The following EFNA5 variants were observed in gnomAD, a reference collection of about 807,000 sequenced individuals.
EFNA5 encodes the protein ephrin-A5.
In EFNA5, 5 loss-of-function variants were observed where a neutral mutation model predicts 22.9. The observed-to-expected ratio is 0.22, with a 90% CI of 0.11 to 0.46. The LOEUF (loss-of-function observed/expected upper bound fraction) is 0.46, where lower values mean the gene tolerates loss of function less well. Among genes scored for constraint, EFNA5 ranks in the 20% least tolerant of loss-of-function variants. The pLI is 0.99. For missense variants in EFNA5, 237 were observed against 293.3 expected, an observed-to-expected ratio of 0.81 and a Z score of 1.40; for synonymous variants, 113 against 112.2, an observed-to-expected ratio of 1.01 and a Z score of -0.04.
chr5:107,653,224 T>C (rs73781153), intron 1 of EFNA5, among the ~76,000 whole-genome samples: 1,600 of 152,216 alleles, frequency 0.011, 34 homozygotes, highest in African/African-American at 0.035. Context: ...AGAAATGGGC[T>C]GGACCCACCA....
chr5:107,488,517 A>C (rs1746706669), intron 1 of EFNA5, among the ~76,000 whole-genome samples: 1 of 152,168 alleles, frequency 6.6e-6, no homozygotes, highest in Non-Finnish European at 1.5e-5. Context: ...ACCCTTTTTA[A>C]AACTCCAGCT....
At chr5:107,575,551 T>C (rs1748910761) in intron 1 of EFNA5, among the ~76,000 whole-genome samples, 1 of 152,160 alleles carries the variant, frequency 6.6e-6, no homozygotes, top group African/African-American at 2.4e-5. Context: ...CTCAAGTTGG[T>C]GAAAATGTGG....
chr5:107,537,951 A>G (rs1046593655), intron 1 of EFNA5, among the ~76,000 whole-genome samples: 1 of 152,174 alleles, frequency 6.6e-6, no homozygotes, highest in Admixed American at 6.5e-5. Flanking sequence ...TAAATGATGG[A>G]GGTGAGTCAG....
intron 1 of EFNA5, among the ~76,000 whole-genome samples, chr5:107,621,984 C>A (rs1015234342): frequency 1.3e-5 from 2 of 151,610 alleles, no homozygotes; most frequent in Admixed American, 6.6e-5. Flanking sequence ...ATTTTCAGAA[C>A]TGTAATGTAA....
rs1184582230 is a variant in EFNA5 at position 107,386,191 on chromosome 5, G to A, written c.565+1044C>T. ...AAAAAATTCTCCATTTACATAAGGG[G>A]GCTCAAATCTCTCCATGAAGAGGAA... On this transcript the variant is annotated intron_variant, in intron 4 of 4. Transcript: ENST00000333274. Among the ~76,000 whole-genome samples the A allele has an allele frequency of 5.9e-5, 9 of 151,838 alleles. No homozygotes were observed. In the East Asian group the frequency reaches 1.5e-3, roughly 26 times the overall value.
At chr5:107,510,502 C>T (rs772714247) in intron 1 of EFNA5, among the ~76,000 whole-genome samples, 2 of 152,132 alleles carry the variant, frequency 1.3e-5, no homozygotes, top group Non-Finnish European at 2.9e-5. Context: ...TAGGGACTTG[C>T]ACCAAACTCC....
intron 2 of EFNA5, among the ~76,000 whole-genome samples, chr5:107,418,567 T>C (rs1748568049): frequency 6.6e-6 from 1 of 152,220 alleles, no homozygotes; most frequent in African/African-American, 2.4e-5. Flanking sequence ...GTCAGAACTC[T>C]ACATGCTTCC....
chr5:107,556,445 C>G (rs1356226251), intron 1 of EFNA5, among the ~76,000 whole-genome samples: 2 of 152,168 alleles, frequency 1.3e-5, no homozygotes, highest in Non-Finnish European at 2.9e-5. Flanking sequence ...TCATAGTCTT[C>G]TTAATAAATA....
chr5:107,613,672 C>A (rs1749864179), intron 1 of EFNA5, among the ~76,000 whole-genome samples: 1 of 151,790 alleles, frequency 6.6e-6, no homozygotes, highest in African/African-American at 2.4e-5. Context: ...AGTAAATGAC[C>A]CCAATAAGAG....
chr5:107,424,840 T>C (rs2731839), intron 2 of EFNA5, among the ~76,000 whole-genome samples: 117,980 of 152,042 alleles, frequency 0.78, 46,234 homozygotes, highest in Non-Finnish European at 0.81. Context: ...CTGACTGCAG[T>C]GGTGGAAGAG....
chr5:107,651,666 T>C (rs1320287947), intron 1 of EFNA5, among the ~76,000 whole-genome samples: 1 of 78,770 alleles, frequency 1.3e-5, no homozygotes, highest in Non-Finnish European at 2.3e-5. Context: ...CAATGGTTTT[T>C]TGGCAAAAAA....
intron 1 of EFNA5, among the ~76,000 whole-genome samples, chr5:107,507,677 A>AT (rs1337767103): frequency 6.6e-6 from 1 of 152,110 alleles, no homozygotes; most frequent in Admixed American, 6.5e-5. Context: ...TCTCCTAAAG[A>AT]TAAAAAAAAA....
intron 1 of EFNA5, among the ~76,000 whole-genome samples, chr5:107,634,067 G>GT (rs1310521330): frequency 6.6e-6 from 1 of 152,214 alleles, no homozygotes; most frequent in Admixed American, 6.5e-5. Flanking sequence ...TTACCACACA[G>GT]TATGTTTAAT....
chr5:107,548,429 ATTATTT>A (rs1175754986), intron 1 of EFNA5, among the ~76,000 whole-genome samples: 1 of 152,210 alleles, frequency 6.6e-6, no homozygotes, highest in Non-Finnish European at 1.5e-5. Flanking sequence ...ATTTAATATG[ATTATTT>A]TTATAAGAGC....
Position 107,473,965 on chromosome 5 carries a change from G to A in EFNA5, c.126-46456C>T, listed in dbSNP as rs151316673. On this transcript the variant is annotated intron_variant, in intron 1 of 4. Transcript: ENST00000333274. ...TGAGCCACCATGCCTGGCCTCATTT[G>A]ACTTTAACATCCACATAGCAAATAC... 1.1e-3 allele frequency among the ~76,000 whole-genome samples: 160 copies of A among 152,162 alleles called. 2 individuals carry two copies. The highest frequency in any genetic ancestry group is 3.8e-3 in the African/African-American group (157 of 41,540).
At chr5:107,552,757 T>C (rs1473207601) in intron 1 of EFNA5, among the ~76,000 whole-genome samples, 1 of 152,214 alleles carries the variant, frequency 6.6e-6, no homozygotes, top group Non-Finnish European at 1.5e-5. Context: ...CAGAGAAGAA[T>C]GTTCTGATGT....
intron 1 of EFNA5, among the ~76,000 whole-genome samples, chr5:107,468,470 A>G (rs896004735): frequency 8.5e-5 from 13 of 152,204 alleles, no homozygotes; most frequent in African/African-American, 3.1e-4. Context: ...TAAGAAATCA[A>G]GCTCTGCTAG....
intron 1 of EFNA5, among the ~76,000 whole-genome samples, chr5:107,555,273 G>A (rs1208057909): frequency 2.6e-5 from 4 of 152,196 alleles, no homozygotes; most frequent in Non-Finnish European, 5.9e-5. Flanking sequence ...AGAACCCTGA[G>A]ATAGCCAGAT....
At position 107,378,077 on chromosome 5, in the gene EFNA5, C is replaced by T. The variant is rs565919150; in HGVS notation, c.*3178G>A. 6.6e-5 allele frequency: 10 copies of T among 152,122 alleles called. 1 individual carries two copies. In the South Asian group the frequency reaches 2.1e-3, roughly 32 times the overall value. The allele number at this position is 152,122 out of a possible 1,614,324, so 9.4% of individuals were successfully genotyped here. A position where few individuals can be genotyped will look rare whatever the true frequency, so the allele number is the denominator to read the frequency against. On this transcript the variant is annotated 3_prime_UTR_variant, in exon 5 of 5. Transcript: ENST00000333274. ...CAAAGCCTCAATGCATGTTTTGTAT[C>T]CTGAAAGTCTATTGTTCTCACTTAC...
Sources: gnomAD v4.1 joint callset for allele counts (sites outside exome capture counted in the v4.1 genomes callset) on GRCh38, gnomAD v4.1.1 for gene constraint, MANE v1.5 for transcripts, NCBI Gene and HGNC (gene_info 2026-07-23, HGNC 2026-07-21) for gene names.